Variants in NT5DC4 observed in about 807,000 individuals in gnomAD.
The protein encoded by NT5DC4 is 5'-nucleotidase domain-containing protein 4.
A neutral mutation model predicts 26.6 loss-of-function variants in NT5DC4; 44 were observed. That is an observed-to-expected ratio of 1.65 (90% CI 1.30 to 2.13). NT5DC4 has a LOEUF of 2.13. Among genes scored for constraint, NT5DC4 ranks in the 30% most tolerant of loss-of-function variants. The pLI is 0.00. For synonymous variants in NT5DC4, 157 were observed against 86.7 expected, an observed-to-expected ratio of 1.81 and a Z score of -4.51; for missense variants, 399 against 228.1, an observed-to-expected ratio of 1.75 and a Z score of -4.83.
intron 10 of NT5DC4, chr2:112,724,493 C>T: frequency 1.8e-6 from 1 of 569,406 alleles, no homozygotes. Flanking sequence ...AACTAGGTAG[C>T]CGTGCTGGTG....
At chr2:112,724,395 C>A (rs777250971) in intron 10 of NT5DC4, 13 of 586,516 alleles carry the variant, frequency 2.2e-5, no homozygotes, top group Middle Eastern at 4.5e-4. Context: ...GAGACGAGGG[C>A]ATGGCAGGTC....
At chr2:112,719,974 C>CTTTCTTTCTTTCTTTCTTTT (rs1676731211), upstream of NT5DC4, among the ~76,000 whole-genome samples, 30 of 79,704 alleles carry the variant, frequency 3.8e-4, no homozygotes, top group East Asian at 6.5e-4. Context: ...TTCTTTCTTT[C>CTTTCTTTCTTTCTTTCTTTT]TTTCTTTCTT....
At chr2:112,732,154 G>A (rs970298347) in intron 16 of NT5DC4, among the ~76,000 whole-genome samples, 3 of 151,906 alleles carry the variant, frequency 2.0e-5, no homozygotes, top group Non-Finnish European at 2.9e-5. Context: ...CAAGTGATCC[G>A]CCTGCCTCGG....
At chr2:112,721,718 G>T in intron 1 of NT5DC4, 100 bp from the exon 2 acceptor site, 1 of 715,834 alleles carries the variant, frequency 1.4e-6, no homozygotes, top group Admixed American at 2.0e-5. Context: ...TGCAGGGGGT[G>T]CTCTGCCCTC....
intron 16 of NT5DC4, among the ~76,000 whole-genome samples, chr2:112,734,179 G>A (rs990967600): frequency 5.9e-5 from 9 of 151,726 alleles, no homozygotes; most frequent in East Asian, 3.9e-4. Context: ...ATGTGTGTGT[G>A]TGTGTGTGTG....
In NT5DC4 at chr2:112,722,743, T is replaced by C. The variant is rs61743392; in HGVS notation, c.499T>C (p.Phe167Leu). 1.4e-6 allele frequency: 1 copy of C among 717,544 alleles called. No individual in the cohort carries two copies. Among genetic ancestry groups the C allele is most frequent in the Admixed American group, 2.0e-5 (1 of 49,996 alleles). The allele number at this position is 717,544 out of a possible 1,614,324, so 44.4% of individuals were successfully genotyped here. A position where few individuals can be genotyped will look rare whatever the true frequency, so the allele number is the denominator to read the frequency against. The change falls in exon 6 of 17, where the codon TTC becomes CTC. Residue 167 changes from phenylalanine (F) to leucine (L), a missense_variant. Coordinates refer to ENST00000688554, the MANE Select transcript of NT5DC4 (RefSeq NM_001393655.1). The stretch of plus-strand genomic sequence containing the variant: ...CTACCTCTATGCCTGCTTGGTGGAC[T>C]TCTTCTCTGGCTGCTCCCGTTACAC... ...ETYLYACLVDFFSGCSRYTNC... is the reference protein window; with the variant it reads ...ETYLYACLVDLFSGCSRYTNC...
At chr2:112,735,123 A>G (rs568689737) in intron 16 of NT5DC4, among the ~76,000 whole-genome samples, 27 of 138,290 alleles carry the variant, frequency 2.0e-4, no homozygotes, top group African/African-American at 7.4e-4. Flanking sequence ...GGCTCACTGC[A>G]ACCTCTGCCT....
At chr2:112,728,922 G>A (rs920007944) in intron 15 of NT5DC4, among the ~76,000 whole-genome samples, 8 of 152,228 alleles carry the variant, frequency 5.3e-5, no homozygotes, top group East Asian at 1.9e-4. Context: ...TTCACCGGGC[G>A]GCCTCATCTC....
chr2:112,726,927 C>A, intron 15 of NT5DC4, 189 bp downstream of exon 15: 1 of 626,408 alleles, frequency 1.6e-6, no homozygotes, highest in Non-Finnish European at 2.9e-6. Flanking sequence ...CAAAGGGCAG[C>A]GGTACCCTCT....
upstream of NT5DC4, among the ~76,000 whole-genome samples, chr2:112,719,091 A>AGT (rs1372674231): frequency 6.6e-6 from 1 of 152,242 alleles, no homozygotes; most frequent in Admixed American, 6.5e-5. Context: ...GATGTCATAG[A>AGT]GTGCACTTAC....
chr2:112,736,378 T>C (rs1679171599), intron 16 of NT5DC4, among the ~76,000 whole-genome samples: 1 of 152,216 alleles, frequency 6.6e-6, no homozygotes, highest in Admixed American at 6.5e-5. Flanking sequence ...TTATTAGGTA[T>C]ATTTAAGATT....
chr2:112,739,718 A>G (rs4849118), downstream of NT5DC4, among the ~76,000 whole-genome samples: 66,479 of 152,060 alleles, frequency 0.44, 15,768 homozygotes, highest in East Asian at 0.69. Flanking sequence ...CCAGTGGTGC[A>G]ATCACAGCTC....
chr2:112,731,314 C>T (rs563078613), intron 16 of NT5DC4: 2 of 152,192 alleles, frequency 1.3e-5, no homozygotes, highest in African/African-American at 4.8e-5. Flanking sequence ...AAGGCATCCT[C>T]AATGGTCTTT....
chr2:112,720,776 G>A (rs138444408), upstream of NT5DC4, among the ~76,000 whole-genome samples: 8 of 152,280 alleles, frequency 5.3e-5, 1 homozygote, highest in East Asian at 7.7e-4. Context: ...TGGGTTCTCC[G>A]CTACTCTCCA....
At chr2:112,741,109 G>C (rs188075172), downstream of NT5DC4, 6 of 766,828 alleles carry the variant, frequency 7.8e-6, no homozygotes, top group Admixed American at 8.8e-5. Flanking sequence ...ATTTCCCAGT[G>C]ATCTTCATGG....
At chr2:112,719,930 C>CTTTCTTTCTTTCTTTT (rs1574219152), upstream of NT5DC4, among the ~76,000 whole-genome samples, 76 of 47,174 alleles carry the variant, frequency 1.6e-3, 1 homozygote, top group African/African-American at 6.1e-3. Flanking sequence ...CTTTCTCTTT[C>CTTTCTTTCTTTCTTTT]TTTCTTTCTT....
chr2:112,735,893 T>C (rs1679097134), intron 16 of NT5DC4, among the ~76,000 whole-genome samples: 1 of 152,186 alleles, frequency 6.6e-6, no homozygotes, highest in Non-Finnish European at 1.5e-5. Flanking sequence ...TACACTGTTA[T>C]TGTTGGTACC....
rs555311523 is a variant in NT5DC4, at chr2:112,733,009, T to C, written c.1344+3305T>C. 6.6e-5 allele frequency among the ~76,000 whole-genome samples: 10 copies of C among 152,298 alleles called. No homozygotes were observed. The South Asian group carries it at 1.9e-3, about 28-fold the overall frequency. ...TGTGTCTCTGGCATCTACGTACCTG[T>C]GTATTTTATTGAAAGACACATGTCA... On this transcript the variant is annotated intron_variant, in intron 16 of 16. Transcript: ENST00000688554.
chr2:112,726,909 C>T (rs958013589), intron 15 of NT5DC4, 171 bp downstream of exon 15: 10 of 641,418 alleles, frequency 1.6e-5, no homozygotes, highest in African/African-American at 3.6e-5. Context: ...CTCTGCTGGC[C>T]GACATTCCAA....
Sources: allele counts gnomAD v4.1 joint callset (sites outside exome capture counted in the v4.1 genomes callset), GRCh38; gene constraint gnomAD v4.1.1; transcripts MANE v1.5; gene names NCBI Gene and HGNC (gene_info 2026-07-23, HGNC 2026-07-21).